The following ACTR5 variants were observed in gnomAD, a reference collection of about 807,000 sequenced individuals.
ACTR5 encodes the protein actin-related protein 5.
ACTR5 carries 43 observed loss-of-function variants against 61.2 expected under a neutral mutation model. The ratio of observed to expected loss-of-function variants is 0.70; its 90% CI spans 0.55 to 0.91. The LOEUF (loss-of-function observed/expected upper bound fraction) is 0.91, where lower values mean the gene tolerates loss of function less well. ACTR5 is among the 40% of genes least tolerant of loss of function. The pLI is 0.00. For missense variants in ACTR5, 798 were observed against 782.2 expected (o/e 1.02, Z -0.24); for synonymous variants, 333 against 310.5 (o/e 1.07, Z -0.76).
At chr20:38,752,699 T>C (rs2084394332) in intron 3 of ACTR5, among the ~76,000 whole-genome samples, 1 of 152,254 alleles carries the variant, frequency 6.6e-6, no homozygotes, top group Non-Finnish European at 1.5e-5. Context: ...CTTTTGGTTG[T>C]ATTTTACTTC....
rs771768109 is a variant in ACTR5 at position 38,750,144 on chromosome 20, C to T, written c.510C>T (p.Ser170=). The T allele has an allele frequency of 6.8e-6, 11 of 1,614,094 alleles. No homozygotes were observed. The highest frequency in any genetic ancestry group is 9.3e-6 in the Non-Finnish European group (11 of 1,180,034). Residue 170 remains serine (S), a synonymous_variant, in exon 2 of 9, where the codon AGC becomes AGT. Transcript: ENST00000243903. ...KVAYGIDSLF[S]FYHNKPKNSM... Reference sequence around the variant, plus strand: ...CCTATGGAATAGACAGCCTCTTCAGCTTCTACCACAATAAGCCAAAGAACT... The same window carrying T: ...CCTATGGAATAGACAGCCTCTTCAGTTTCTACCACAATAAGCCAAAGAACT...
chr20:38,749,015 G>A (rs1601191552), intron 1 of ACTR5, among the ~76,000 whole-genome samples, 162 bp downstream of exon 1: 3 of 152,212 alleles, frequency 2.0e-5, no homozygotes, highest in Admixed American at 2.0e-4. Context: ...CGAATAAAAT[G>A]CTGCTCCTTG....
At chr20:38,769,065 C>G (rs2084504743) in intron 8 of ACTR5, among the ~76,000 whole-genome samples, 1 of 152,200 alleles carries the variant, frequency 6.6e-6, no homozygotes, top group African/African-American at 2.4e-5. Context: ...TAAGAACTGT[C>G]CAGGGTTCTC....
At chr20:38,766,544 C>G (rs1403007473) in intron 7 of ACTR5, among the ~76,000 whole-genome samples, 167 bp downstream of exon 7, 1 of 152,170 alleles carries the variant, frequency 6.6e-6, no homozygotes, top group Non-Finnish European at 1.5e-5. Flanking sequence ...ATCACCAGGC[C>G]TGGCACGTAA....
chr20:38,766,144 C>T, intron 6 of ACTR5, 94 bp from the exon 7 acceptor site: 3 of 1,393,472 alleles, frequency 2.2e-6, no homozygotes, highest in South Asian at 1.4e-5. Context: ...GGGACAGAAA[C>T]TATTGGGATT....
chr20:38,760,561 G>C (rs1239579914), intron 5 of ACTR5, among the ~76,000 whole-genome samples: 3 of 152,206 alleles, frequency 2.0e-5, no homozygotes, highest in African/African-American at 4.8e-5. Context: ...GTTGATAATA[G>C]AGCATGTGGC....
intron 3 of ACTR5, 60 bp from the exon 4 acceptor site, chr20:38,754,897 C>G: frequency 1.3e-6 from 2 of 1,572,422 alleles, no homozygotes; most frequent in Non-Finnish European, 1.7e-6. Context: ...CTGGTATTGA[C>G]TTTAATTGTT....
chr20:38,767,633 A>T lies in ACTR5; in HGVS notation c.1566+37A>T, dbSNP rs200120169. The T allele has an allele frequency of 2.0e-5, 32 of 1,573,666 alleles. No homozygotes were observed. In the East Asian group the frequency reaches 7.0e-4, roughly 35 times the overall value. On this transcript the variant is annotated intron_variant, in intron 8 of 8. Transcript: ENST00000243903. ...TCGAGTAGTCAATTATTTTGAAAAT[A>T]GCATTACCTGTTTTCTGATTGCAAA...
At chr20:38,768,462 G>C (rs544601590) in intron 8 of ACTR5, among the ~76,000 whole-genome samples, 2 of 152,268 alleles carry the variant, frequency 1.3e-5, no homozygotes, top group Non-Finnish European at 2.9e-5. Context: ...GAGCAACCAG[G>C]TGTAAGCATC....
At chr20:38,765,609 T>C (rs2084481656) in intron 6 of ACTR5, 91 bp downstream of exon 6, 1 of 1,050,004 alleles carries the variant, frequency 9.5e-7, no homozygotes, top group Non-Finnish European at 1.4e-6. Flanking sequence ...CTTAAAACTG[T>C]TATGTTTTTT....
chr20:38,749,524 T>C (rs1683316460), intron 1 of ACTR5, among the ~76,000 whole-genome samples: 1 of 152,182 alleles, frequency 6.6e-6, no homozygotes, highest in Non-Finnish European at 1.5e-5. Context: ...ACACACCTTA[T>C]AGGCTTTTAC....
At chr20:38,757,378 C>G (rs1043686040) in intron 5 of ACTR5, among the ~76,000 whole-genome samples, 1 of 152,200 alleles carries the variant, frequency 6.6e-6, no homozygotes, top group African/African-American at 2.4e-5. Flanking sequence ...AGTGTACATC[C>G]TGTTCCTGGA....
intron 6 of ACTR5, among the ~76,000 whole-genome samples, chr20:38,765,733 C>T (rs181066695): frequency 2.2e-4 from 33 of 152,278 alleles, no homozygotes; most frequent in Admixed American, 1.7e-3. Flanking sequence ...ACAGTCCACC[C>T]GGCAGAAACA....
intron 3 of ACTR5, among the ~76,000 whole-genome samples, chr20:38,753,577 C>G (rs1319081561): frequency 6.6e-6 from 1 of 152,106 alleles, no homozygotes; most frequent in Non-Finnish European, 1.5e-5. Context: ...AACTTGTTTT[C>G]ATTTCTCCAG....
At chr20:38,766,603 A>T (rs1210248098) in intron 7 of ACTR5, among the ~76,000 whole-genome samples, 1 of 152,190 alleles carries the variant, frequency 6.6e-6, no homozygotes, top group Admixed American at 6.5e-5. Context: ...GGGTTGACTG[A>T]GTAGCTTTAA....
chr20:38,759,250 G>A (rs2084438948), intron 5 of ACTR5, among the ~76,000 whole-genome samples: 1 of 152,186 alleles, frequency 6.6e-6, no homozygotes, highest in Non-Finnish European at 1.5e-5. Context: ...CTGTTTTAGG[G>A]AACCATGCTG....
intron 4 of ACTR5, 151 bp downstream of exon 4, chr20:38,755,325 A>G: frequency 2.5e-6 from 2 of 790,866 alleles, no homozygotes; most frequent in Non-Finnish European, 4.0e-6. Flanking sequence ...TCAGCATAGA[A>G]TACAGTGTAG....
intron 5 of ACTR5, among the ~76,000 whole-genome samples, chr20:38,758,364 G>T (rs2084432740): frequency 6.6e-6 from 1 of 152,122 alleles, no homozygotes; most frequent in Non-Finnish European, 1.5e-5. Context: ...ATGATCAGTT[G>T]GGCCGGGCAC....
chr20:38,759,226 T>C (rs1400534791), intron 5 of ACTR5, among the ~76,000 whole-genome samples: 1 of 152,344 alleles, frequency 6.6e-6, no homozygotes, highest in African/African-American at 2.4e-5. Flanking sequence ...TGCTTCTTCT[T>C]ATGCCGCTCA....
Sources: gnomAD v4.1 joint callset for allele counts (sites outside exome capture counted in the v4.1 genomes callset) on GRCh38, gnomAD v4.1.1 for gene constraint, MANE v1.5 for transcripts, NCBI Gene and HGNC (gene_info 2026-07-23, HGNC 2026-07-21) for gene names.